AP5Z1: variants seen among roughly 807,000 people sequenced by gnomAD.
The protein encoded by AP5Z1 is adaptor related protein complex 5 subunit zeta 1.
In AP5Z1, 106 loss-of-function variants were observed where a neutral mutation model predicts 83.0. That is an observed-to-expected ratio of 1.28 (90% CI 1.09 to 1.50). AP5Z1 has a LOEUF of 1.50. Ranked by LOEUF, AP5Z1 falls within the 40% of genes most tolerant of loss-of-function variation. The pLI is 0.00. For synonymous variants in AP5Z1, 751 were observed against 514.1 expected (o/e 1.46, Z -6.23); for missense variants, 1,565 against 1,094.2 (o/e 1.43, Z -6.07).
chr7:4,775,629 G>A lies in AP5Z1; in HGVS notation c.-87G>A. The A allele has an allele frequency of 6.4e-7, 1 of 1,570,090 alleles. No homozygotes were observed. Among genetic ancestry groups the A allele is most frequent in the South Asian group, 1.1e-5 (1 of 88,666 alleles). On this transcript the variant is annotated 5_prime_UTR_variant, in exon 1 of 17. Transcript: ENST00000649063. ...AAGGCCGCTGCGCTCACGTGACGCG[G>A]TCCCGGAAGTTGACCGGGGTGCGGA...
At chr7:4,789,156 GC>G (rs1192395445) in intron 13 of AP5Z1, 4 of 531,744 alleles carry the variant, frequency 7.5e-6, no homozygotes, top group African/African-American at 5.9e-5. Context: ...ATTCCAGCAG[GC>G]CCCGTTCCCC....
Position 4,784,889 on chromosome 7 carries a change from G to C in AP5Z1, c.791-19G>C, listed in dbSNP as rs1267697799. 1 of 1,603,114 alleles carries C rather than the reference G, an allele frequency of 6.2e-7. No individual in the cohort carries two copies. The highest frequency in any genetic ancestry group is 1.1e-5 in the South Asian group (1 of 90,276). On this transcript the variant is annotated intron_variant, in intron 6 of 16. Coordinates refer to ENST00000649063, the MANE Select transcript of AP5Z1 (RefSeq NM_014855.3). ...CGGGAGCCACACGTCAGCCTGCTGA[G>C]AGTTCCCACCTCCCGCAGATGACAG...
At chr7:4,778,780 A>G (rs1244307963) in intron 1 of AP5Z1, among the ~76,000 whole-genome samples, 1 of 146,526 alleles carries the variant, frequency 6.8e-6, no homozygotes, top group African/African-American at 2.5e-5. Flanking sequence ...ATATATATTT[A>G]GTAATATATA....
In AP5Z1 at chr7:4,791,414, G is replaced by A. The variant is rs377206255; in HGVS notation, c.*29G>A. ...GACAGTGGCCAGGGACTTCGGTGCA[G>A]ATTAAGAGCCTGGGCAGCCAGCTTG... On this transcript the variant is annotated 3_prime_UTR_variant, in exon 17 of 17. Coordinates refer to ENST00000649063, the MANE Select transcript of AP5Z1 (RefSeq NM_014855.3). 1.3e-6 allele frequency: 2 copies of A among 1,577,654 alleles called. No homozygotes were observed. Among genetic ancestry groups the A allele is most frequent in the African/African-American group, 2.7e-5 (2 of 74,240 alleles).
intron 9 of AP5Z1, among the ~76,000 whole-genome samples, chr7:4,786,028 A>G (rs993467193): frequency 2.6e-5 from 4 of 152,242 alleles, no homozygotes; most frequent in African/African-American, 9.6e-5. Context: ...TCTAGGAACC[A>G]GCACCTTCCA....
chr7:4,781,336 C>T (rs368716858), intron 2 of AP5Z1, 24 bp downstream of exon 2: 31 of 1,611,312 alleles, frequency 1.9e-5, no homozygotes, highest in Non-Finnish European at 2.3e-5. Flanking sequence ...CGGCTCAGGC[C>T]GGCTCCTCAC....
At chr7:4,780,652 T>G (rs59174566) in intron 1 of AP5Z1, among the ~76,000 whole-genome samples, 35,277 of 151,982 alleles carry the variant, frequency 0.23, 6,637 homozygotes, top group African/African-American at 0.52. Context: ...TGTAATCCCA[T>G]CTACTCGGAA....
At position 4,784,344 on chromosome 7, in the gene AP5Z1, C is replaced by T. The variant is rs1237941745; in HGVS notation, c.763C>T (p.Pro255Ser). Residue 255 changes from proline to serine, a missense_variant, in exon 6 of 17, where the codon CCC becomes TCC. Coordinates refer to ENST00000649063, the MANE Select transcript of AP5Z1 (RefSeq NM_014855.3). Reference sequence around the variant, plus strand: ...GCGGGCGTGGCTGCTGCACAGCGGCCCCGAGGGCCCGGGCACCCTGGACAC... The same window carrying T: ...GCGGGCGTGGCTGCTGCACAGCGGCTCCGAGGGCCCGGGCACCCTGGACAC... The part of the protein sequence containing the change: ...MLRAWLLHSG[P>S]EGPGTLDTDD... The T allele has an allele frequency of 5.6e-6, 9 of 1,597,638 alleles. No homozygotes were observed. In the Admixed American group the frequency reaches 1.2e-4, roughly 22 times the overall value.
rs1314169663 is a variant in AP5Z1, at chr7:4,784,279, C to T, written c.698C>T (p.Thr233Ile). 6.2e-7 allele frequency: 1 copy of T among 1,602,020 alleles called. No individual in the cohort carries two copies. The highest frequency in any genetic ancestry group is 1.7e-5 in the Admixed American group (1 of 58,418). The change falls in exon 6 of 17, where the codon ACA becomes ATA. Residue 233 changes from threonine to isoleucine, a missense_variant. Coordinates refer to ENST00000649063, the MANE Select transcript of AP5Z1 (RefSeq NM_014855.3). ...GTGCTCTCCAGCGGCCACCGCTTCA[C>T]AGACGACCAGTGGCTGAACGTGCAG... Reference protein sequence around the residue: ...FTVLSSGHRFTDDQWLNVQAF... With the variant: ...FTVLSSGHRFIDDQWLNVQAF...
intron 1 of AP5Z1, among the ~76,000 whole-genome samples, chr7:4,776,938 C>T (rs1259634099): frequency 6.6e-6 from 1 of 152,070 alleles, no homozygotes; most frequent in Non-Finnish European, 1.5e-5. Context: ...ACAAGCAAAC[C>T]TGGACTCAGA....
chr7:4,789,432 G>GC (rs1421643140), intron 13 of AP5Z1, among the ~76,000 whole-genome samples: 13 of 152,198 alleles, frequency 8.5e-5, no homozygotes, highest in Admixed American at 2.0e-4. Flanking sequence ...ACAGGCTGGT[G>GC]CCCCCCATCT....
chr7:4,784,337 C>A lies in AP5Z1; in HGVS notation c.756C>A (p.His252Gln), dbSNP rs983896546. Residue 252 changes from histidine to glutamine, a missense_variant, in exon 6 of 17, where the codon CAC (histidine) becomes CAA (glutamine). Transcript: ENST00000649063. ...AFSMLRAWLLHSGPEGPGTLD... is the reference protein window; with the variant it reads ...AFSMLRAWLLQSGPEGPGTLD... ...CTATGCTGCGGGCGTGGCTGCTGCA[C>A]AGCGGCCCCGAGGGCCCGGGCACCC... The A allele has an allele frequency of 6.3e-7, 1 of 1,599,442 alleles. No homozygotes were observed. Among genetic ancestry groups the A allele is most frequent in the African/African-American group, 1.3e-5 (1 of 74,780 alleles).
rs1304980479 is a variant in AP5Z1, at chr7:4,791,406, T to TCGGTGCAGATTAAGAGC, written c.*23_*39dup. 4.4e-6 allele frequency: 7 copies of TCGGTGCAGATTAAGAGC among 1,589,932 alleles called. No individual in the cohort carries two copies. Among genetic ancestry groups the TCGGTGCAGATTAAGAGC allele is most frequent in the Non-Finnish European group, 6.0e-6 (7 of 1,167,774 alleles). On this transcript the variant is annotated 3_prime_UTR_variant, in exon 17 of 17. Transcript: ENST00000649063. The stretch of plus-strand genomic sequence containing the variant: ...GGTGAAGGGACAGTGGCCAGGGACT[T>TCGGTGCAGATTAAGAGC]CGGTGCAGATTAAGAGCCTGGGCAG...
At chr7:4,790,913 C>A (rs770531531) in intron 16 of AP5Z1, 26 bp downstream of exon 16, 13 of 1,558,006 alleles carry the variant, frequency 8.3e-6, no homozygotes, top group Admixed American at 3.8e-5. Flanking sequence ...GGGAGCGAAG[C>A]CTTCTGGCTC....
rs779554960 is a variant in AP5Z1 at position 4,790,709 on chromosome 7, G to T, written c.1975G>T (p.Asp659Tyr). The change falls in exon 16 of 17, where the codon GAT (aspartate) becomes TAT (tyrosine). Residue 659 changes from aspartate to tyrosine, a missense_variant. Physicochemically the swap from Asp to Tyr is radical, Grantham distance 160 (BLOSUM62 -3). Transcript: ENST00000649063. ...CGGCGAGTACCTGTCGGTGACCTAC[G>T]ATCGGAGGTGCACCGTGGAGCAGAT... Reference protein sequence around the residue: ...AIGEYLSVTYDRRCTVEQINK... With the variant: ...AIGEYLSVTYYRRCTVEQINK... 4 of 1,611,236 alleles carry T rather than the reference G, an allele frequency of 2.5e-6. No homozygotes were observed. Among genetic ancestry groups the T allele is most frequent in the East Asian group, 2.2e-5 (1 of 44,836 alleles).
rs909857572 is a variant in AP5Z1 at position 4,789,944 on chromosome 7, C to T, written c.1805+15C>T. The T allele has an allele frequency of 2.4e-5, 36 of 1,518,232 alleles. No homozygotes were observed. Among genetic ancestry groups the T allele is most frequent in the African/African-American group, 1.1e-4 (8 of 72,486 alleles). The allele number at this position is 1,518,232 out of a possible 1,614,324, so 94.0% of individuals were successfully genotyped here. ...GGTGTGCACAGGTAGGTCCCTCCTG[C>T]GCTCCTGCCACAGCCCTGGGCGGGT... On this transcript the variant is annotated intron_variant, in intron 14 of 16. Coordinates refer to ENST00000649063, the MANE Select transcript of AP5Z1 (RefSeq NM_014855.3).
intron 11 of AP5Z1, 130 bp downstream of exon 11, chr7:4,787,906 C>A: frequency 8.0e-7 from 1 of 1,254,020 alleles, no homozygotes; most frequent in Non-Finnish European, 1.1e-6. Flanking sequence ...CCTGACCAGT[C>A]CTCCCCTGCA....
rs747762254 is a variant in AP5Z1 at position 4,790,756 on chromosome 7, G to A, written c.2022G>A (p.Leu674=). Residue 674 remains leucine (L), a synonymous_variant, in exon 16 of 17, where the codon CTG becomes CTA. Coordinates refer to ENST00000649063, the MANE Select transcript of AP5Z1 (RefSeq NM_014855.3). ...AGATCAACAAGTTCTTCGAAGCCCT[G>A]GAGGCTCTGCTATTCGAGGTCACCC... ...VEQINKFFEA[L]EALLFEVTQC... 4 of 1,609,178 alleles carry A rather than the reference G, an allele frequency of 2.5e-6. No homozygotes were observed. Among genetic ancestry groups the A allele is most frequent in the Admixed American group, 1.7e-5 (1 of 59,584 alleles).
rs1781840672 is a variant in AP5Z1, at chr7:4,793,149, T to C, written c.*1764T>C. 6.6e-6 allele frequency: 1 copy of C among 152,274 alleles called. No individual in the cohort carries two copies. The highest frequency in any genetic ancestry group is 2.1e-4 in the South Asian group (1 of 4,824). The allele number at this position is 152,274 out of a possible 1,614,324, so 9.4% of individuals were successfully genotyped here. ...GCTCATCCAAGGGACAAGGAGGAGCTCATGGCCACAGGGCCTCGGAGGGCA... is the reference window on the plus strand; with the variant it reads ...GCTCATCCAAGGGACAAGGAGGAGCCCATGGCCACAGGGCCTCGGAGGGCA... On this transcript the variant is annotated 3_prime_UTR_variant, in exon 17 of 17. Transcript: ENST00000649063.
Sources: gnomAD v4.1 joint callset for allele counts (sites outside exome capture counted in the v4.1 genomes callset) on GRCh38, gnomAD v4.1.1 for gene constraint, MANE v1.5 for transcripts, NCBI Gene and HGNC (gene_info 2026-07-23, HGNC 2026-07-21) for gene names.